The following PLEKHA7 variants were observed in gnomAD, a reference collection of about 807,000 sequenced individuals.
PLEKHA7 encodes the protein pleckstrin homology domain containing A7.
In PLEKHA7, 104 loss-of-function variants were observed where a neutral mutation model predicts 170.0. The ratio of observed to expected loss-of-function variants is 0.61; its 90% confidence interval spans 0.52 to 0.72. PLEKHA7 has a LOEUF of 0.72. PLEKHA7 is among the 30% of genes least tolerant of loss of function. The pLI is 0.00. For missense variants in PLEKHA7, 1,615 were observed against 1,671.7 expected (o/e 0.97, Z 0.59); for synonymous variants, 648 against 660.8 (o/e 0.98, Z 0.30).
chr11:16,917,754 T>C (rs1858799261), intron 3 of PLEKHA7, among the ~76,000 whole-genome samples: 1 of 152,238 alleles, frequency 6.6e-6, no homozygotes. Context: ...TATTAGCACA[T>C]GGACATCTTT....
intron 4 of PLEKHA7, among the ~76,000 whole-genome samples, chr11:16,866,711 C>A (rs566938883): frequency 1.3e-5 from 2 of 152,220 alleles, no homozygotes; most frequent in Non-Finnish European, 2.9e-5. Context: ...GTTGTTACTA[C>A]AGCAGACACT....
chr11:16,893,705 AC>A (rs1490434842), intron 3 of PLEKHA7, among the ~76,000 whole-genome samples: 1 of 152,180 alleles, frequency 6.6e-6, no homozygotes, highest in African/African-American at 2.4e-5. Flanking sequence ...GCATGGAATG[AC>A]CCACATAAAT....
chr11:16,969,729 C>T (rs924043705), intron 3 of PLEKHA7, among the ~76,000 whole-genome samples: 3 of 152,178 alleles, frequency 2.0e-5, no homozygotes, highest in Non-Finnish European at 4.4e-5. Flanking sequence ...AAAGAGTTAG[C>T]AGACTTGAAA....
intron 13 of PLEKHA7, among the ~76,000 whole-genome samples, chr11:16,811,531 A>G (rs911979227): frequency 6.6e-6 from 1 of 152,108 alleles, no homozygotes; most frequent in Non-Finnish European, 1.5e-5. Flanking sequence ...GCATGGTGGG[A>G]ACAACCCTGT....
In PLEKHA7 at chr11:16,791,164, T is replaced by G. The variant is rs1394267048; in HGVS notation, c.2781A>C (p.Glu927Asp). ...DEAPPRPPLP[E>D]LYSPEDQPPA... Reference sequence around the variant, plus strand: ...GGGGCTGGTCCTCTGGGCTGTAGAGTTCGGGGAGTGGGGGCCTGGGAGGTG... The same window carrying G: ...GGGGCTGGTCCTCTGGGCTGTAGAGGTCGGGGAGTGGGGGCCTGGGAGGTG... The change falls in exon 20 of 27, where the codon GAA becomes GAC. Residue 927 changes from glutamate (E) to aspartate (D), a missense_variant. Physicochemically the swap from Glu to Asp is conservative, Grantham distance 45 (BLOSUM62 2). Coordinates refer to ENST00000531066, the MANE Select transcript of PLEKHA7 (RefSeq NM_001329630.2). This position sits in a 1 kb window ranked among gnomAD's most constrained non-coding sequence, Gnocchi z 4.5. 5 of 1,607,940 alleles carry G rather than the reference T, an allele frequency of 3.1e-6. No homozygotes were observed. The African/African-American group carries it at 5.4e-5, about 17-fold the overall frequency.
intron 8 of PLEKHA7, among the ~76,000 whole-genome samples, chr11:16,848,416 T>C (rs7122601): frequency 0.056 from 8,491 of 152,312 alleles, 760 homozygotes; most frequent in African/African-American, 0.19. Context: ...TTTTGTGGCA[T>C]GGACATCAAC....
intron 3 of PLEKHA7, among the ~76,000 whole-genome samples, chr11:16,914,234 A>AT (rs1033525633): frequency 6.6e-6 from 1 of 152,132 alleles, no homozygotes; most frequent in South Asian, 2.1e-4. Context: ...AGAAGTAGAC[A>AT]TTTTTTTCTT....
chr11:16,926,746 G>A (rs925105728), intron 3 of PLEKHA7, among the ~76,000 whole-genome samples: 6 of 152,200 alleles, frequency 3.9e-5, no homozygotes, highest in African/African-American at 1.4e-4. Context: ...AGGCAGAAGT[G>A]GAAATGCCAT....
At chr11:17,011,143 C>A (rs1865301045) in intron 3 of PLEKHA7, among the ~76,000 whole-genome samples, 1 of 152,190 alleles carries the variant, frequency 6.6e-6, no homozygotes, top group Non-Finnish European at 1.5e-5. Flanking sequence ...CCTCCAGAGT[C>A]CCACACGCGG....
intron 9 of PLEKHA7, among the ~76,000 whole-genome samples, chr11:16,834,594 T>C (rs993682176): frequency 4.6e-5 from 7 of 152,256 alleles, no homozygotes; most frequent in African/African-American, 1.4e-4. Flanking sequence ...AAAAGATGAG[T>C]TGTTTTCTGA....
At chr11:16,908,161 G>A (rs1218317195) in intron 3 of PLEKHA7, among the ~76,000 whole-genome samples, 2 of 149,996 alleles carry the variant, frequency 1.3e-5, no homozygotes, top group African/African-American at 2.5e-5. Flanking sequence ...AGGAAAACCA[G>A]AGACCTTTGT....
intron 9 of PLEKHA7, among the ~76,000 whole-genome samples, chr11:16,828,732 G>A (rs1850862566): frequency 1.3e-5 from 2 of 152,162 alleles, no homozygotes; most frequent in African/African-American, 2.4e-5. Flanking sequence ...CCTCAGTCCA[G>A]GTGGTTCAGG....
chr11:16,985,511 G>A (rs1863670055), intron 3 of PLEKHA7, among the ~76,000 whole-genome samples: 1 of 151,648 alleles, frequency 6.6e-6, no homozygotes, highest in Non-Finnish European at 1.5e-5. Flanking sequence ...AGTGCCAAGA[G>A]TGCAAGGGGC....
In PLEKHA7 at chr11:16,913,124, C is replaced by G. The variant is rs548712769; in HGVS notation, c.222-41942G>C. On this transcript the variant is annotated intron_variant, in intron 3 of 26. Coordinates refer to ENST00000531066, the MANE Select transcript of PLEKHA7 (RefSeq NM_001329630.2). The stretch of plus-strand genomic sequence containing the variant: ...CCTCCCACAATGACAGCCGGATTTC[C>G]TATTACCAGAATGTTCTCAAACGCC... Among the ~76,000 whole-genome samples, 3 of 152,312 alleles carry G rather than the reference C, an allele frequency of 2.0e-5. No individual in the cohort carries two copies. The South Asian group carries it at 6.2e-4, about 32-fold the overall frequency.
rs1847839999 is a variant in PLEKHA7, at chr11:16,791,319, T to C, written c.2746-120A>G. 3.1e-6 allele frequency: 3 copies of C among 969,316 alleles called. No individual in the cohort carries two copies. Among genetic ancestry groups the C allele is most frequent in the Non-Finnish European group, 3.0e-6 (2 of 659,810 alleles). The allele number at this position is 969,316 out of a possible 1,614,324, so 60.0% of individuals were successfully genotyped here. A position where few individuals can be genotyped will look rare whatever the true frequency, so the allele number is the denominator to read the frequency against. On this transcript the variant is annotated intron_variant, in intron 19 of 26. Coordinates refer to ENST00000531066, the MANE Select transcript of PLEKHA7 (RefSeq NM_001329630.2). This position sits in a 1 kb window ranked among gnomAD's most constrained non-coding sequence, Gnocchi z 4.5. ...CAGGCCACATCAGAGCCACAGAACATGACTGCCTCAGCCAAGGAGCACTCA... is the reference window on the plus strand; with the variant it reads ...CAGGCCACATCAGAGCCACAGAACACGACTGCCTCAGCCAAGGAGCACTCA...
At chr11:16,947,966 T>C (rs1292771369) in intron 3 of PLEKHA7, among the ~76,000 whole-genome samples, 1 of 148,502 alleles carries the variant, frequency 6.7e-6, no homozygotes. Flanking sequence ...AAAACATGCA[T>C]ATATATACAT....
In PLEKHA7 at chr11:16,813,201, T is replaced by G. The variant is rs768479058; in HGVS notation, c.1954-35A>C. On this transcript the variant is annotated intron_variant, in intron 12 of 26. Coordinates refer to ENST00000531066, the MANE Select transcript of PLEKHA7 (RefSeq NM_001329630.2). Reference sequence around the variant, plus strand: ...AAGCAGAGAGGAAAAAACACAGTTATGAACACCAAGAGTTTCCATAACTCG... The same window carrying G: ...AAGCAGAGAGGAAAAAACACAGTTAGGAACACCAAGAGTTTCCATAACTCG... 9 of 1,585,768 alleles carry G rather than the reference T, an allele frequency of 5.7e-6. No individual in the cohort carries two copies. The African/African-American group carries it at 8.1e-5, about 14-fold the overall frequency.
intron 3 of PLEKHA7, among the ~76,000 whole-genome samples, chr11:16,988,018 G>A (rs1863836001): frequency 6.6e-6 from 1 of 152,224 alleles, no homozygotes; most frequent in Non-Finnish European, 1.5e-5. Flanking sequence ...GAAGTTGACT[G>A]CACCTGTTAA....
intron 3 of PLEKHA7, among the ~76,000 whole-genome samples, chr11:17,012,587 A>G (rs1353705376): frequency 6.6e-6 from 1 of 152,126 alleles, no homozygotes; most frequent in Non-Finnish European, 1.5e-5. Context: ...CCACGATCTG[A>G]TATTATTATT....
Sources: gnomAD v4.1 joint callset for allele counts (sites outside exome capture counted in the v4.1 genomes callset) on GRCh38, gnomAD v4.1.1 for gene constraint, Gnocchi (gnomAD v3.1) non-coding constraint, MANE v1.5 for transcripts, NCBI Gene and HGNC (gene_info 2026-07-23, HGNC 2026-07-21) for gene names.